The following AGBL4 variants were observed in gnomAD, a reference collection of about 807,000 sequenced individuals.
AGBL4 encodes AGBL carboxypeptidase 4.
In AGBL4, 58 loss-of-function variants were observed where a neutral mutation model predicts 66.4. The observed-to-expected ratio is 0.87, with a 90% CI of 0.71 to 1.09. AGBL4 has a LOEUF of 1.09. Ranked by LOEUF, AGBL4 falls within the 50% of genes least tolerant of loss-of-function variation. The pLI is 0.00. For missense variants in AGBL4, 579 were observed against 631.0 expected, an observed-to-expected ratio of 0.92 and a Z score of 0.88; for synonymous variants, 234 against 222.9, an observed-to-expected ratio of 1.05 and a Z score of -0.44.
intron 3 of AGBL4, among the ~76,000 whole-genome samples, chr1:49,688,858 C>A (rs1427500400): frequency 6.6e-6 from 1 of 152,120 alleles, no homozygotes; most frequent in Admixed American, 6.6e-5. Flanking sequence ...TGCCTGTTTA[C>A]CATTTGTATG....
intron 3 of AGBL4, among the ~76,000 whole-genome samples, chr1:49,407,067 A>G (rs1645218396): frequency 7.3e-6 from 1 of 137,856 alleles, no homozygotes. Context: ...TCTGCCTCCA[A>G]AAAAAAAAAA....
intron 4 of AGBL4, among the ~76,000 whole-genome samples, chr1:49,194,071 G>C (rs774639326): frequency 1.3e-5 from 2 of 152,028 alleles, no homozygotes; most frequent in African/African-American, 2.4e-5. Flanking sequence ...TTTCTTTGTT[G>C]ATTTTCTGTC....
At chr1:48,716,900 T>G (rs964890288) in intron 6 of AGBL4, among the ~76,000 whole-genome samples, 1 of 152,194 alleles carries the variant, frequency 6.6e-6, no homozygotes, top group African/African-American at 2.4e-5. Context: ...GGAAGACAGG[T>G]AAGAAGGGGC....
chr1:48,642,993 C>T (rs1332586229), intron 8 of AGBL4, among the ~76,000 whole-genome samples: 2 of 152,128 alleles, frequency 1.3e-5, no homozygotes, highest in African/African-American at 4.8e-5. Flanking sequence ...TGTGCCTTAG[C>T]TCTAATCTGA....
chr1:49,389,031 T>C (rs1644794781), intron 3 of AGBL4, among the ~76,000 whole-genome samples: 1 of 151,944 alleles, frequency 6.6e-6, no homozygotes, highest in Non-Finnish European at 1.5e-5. Context: ...ACAGTTTGAG[T>C]GGAGACAATA....
intron 2 of AGBL4, among the ~76,000 whole-genome samples, chr1:49,807,122 C>A (rs1354117667): frequency 6.6e-6 from 1 of 152,108 alleles, no homozygotes; most frequent in East Asian, 1.9e-4. Flanking sequence ...AGAGAGTCTC[C>A]ACTAGGTCAA....
chr1:49,514,734 A>G (rs552321185), intron 3 of AGBL4, among the ~76,000 whole-genome samples: 3 of 152,234 alleles, frequency 2.0e-5, no homozygotes, highest in South Asian at 2.1e-4. Context: ...ATAATGCTGC[A>G]TATCTACAAC....
chr1:49,996,266 A>G (rs1340350619), intron 1 of AGBL4: 2 of 152,212 alleles, frequency 1.3e-5, no homozygotes, highest in Non-Finnish European at 2.9e-5. Flanking sequence ...TAAGCTACTC[A>G]AGGAGGCACC....
intron 6 of AGBL4, among the ~76,000 whole-genome samples, chr1:48,710,469 G>A (rs1032499343): frequency 1.3e-5 from 2 of 152,176 alleles, no homozygotes; most frequent in African/African-American, 2.4e-5. Flanking sequence ...AGAGGAAGGC[G>A]GGCATGAGAG....
intron 4 of AGBL4, among the ~76,000 whole-genome samples, chr1:49,219,089 G>T (rs1649299916): frequency 6.6e-6 from 1 of 152,036 alleles, no homozygotes. Flanking sequence ...CCCATGGCTG[G>T]CTCCTAAAAC....
chr1:50,020,677 TC>T (rs1422248945), intron 1 of AGBL4, among the ~76,000 whole-genome samples: 2 of 152,196 alleles, frequency 1.3e-5, no homozygotes, highest in Non-Finnish European at 2.9e-5. Context: ...AAACTAATCT[TC>T]TACTAATTCT....
At chr1:48,677,983 T>G (rs1172263584) in intron 6 of AGBL4, among the ~76,000 whole-genome samples, 3 of 152,162 alleles carry the variant, frequency 2.0e-5, no homozygotes, top group Non-Finnish European at 4.4e-5. Context: ...ACGGGGGCCC[T>G]CCCAGGACAC....
intron 4 of AGBL4, among the ~76,000 whole-genome samples, chr1:49,056,276 G>T (rs1264575194): frequency 6.6e-6 from 1 of 152,052 alleles, no homozygotes; most frequent in African/African-American, 2.4e-5. Context: ...GCAATTCCAT[G>T]CTTTCAGGGA....
chr1:49,411,142 C>G (rs764977274), intron 3 of AGBL4, among the ~76,000 whole-genome samples: 3 of 152,198 alleles, frequency 2.0e-5, no homozygotes, highest in African/African-American at 2.4e-5. Flanking sequence ...AACAGTGCAG[C>G]CTTCAGTCTG....
chr1:49,720,912 C>T (rs1229777417), intron 2 of AGBL4, among the ~76,000 whole-genome samples: 1 of 151,970 alleles, frequency 6.6e-6, no homozygotes, highest in East Asian at 1.9e-4. Context: ...ATATGTCAAA[C>T]GAAAGAAGGC....
At chr1:48,779,617 T>G (rs1645240139) in intron 6 of AGBL4, among the ~76,000 whole-genome samples, 1 of 152,154 alleles carries the variant, frequency 6.6e-6, no homozygotes, top group South Asian at 2.1e-4. Flanking sequence ...GAGTAAATGT[T>G]TATAAAACAA....
At chr1:49,091,183 T>G (rs1227519530) in intron 4 of AGBL4, among the ~76,000 whole-genome samples, 1 of 151,992 alleles carries the variant, frequency 6.6e-6, no homozygotes, top group East Asian at 1.9e-4. Flanking sequence ...CTGGAAAAGA[T>G]TTCATGACAA....
At chr1:48,523,806 C>T in the AGBL4 span, among the ~76,000 whole-genome samples, 1 of 152,102 alleles carries the variant, frequency 6.6e-6, no homozygotes, top group Non-Finnish European at 1.5e-5. Flanking sequence ...GTGTGAACAT[C>T]ATAGAATGTA....
At chr1:49,385,344 T>G (rs2148582682) in intron 3 of AGBL4, among the ~76,000 whole-genome samples, 1 of 152,168 alleles carries the variant, frequency 6.6e-6, no homozygotes, top group South Asian at 2.1e-4. Context: ...GCAGATTTAC[T>G]GAATAAAAGA....
Sources: gnomAD v4.1 joint callset for allele counts (sites outside exome capture counted in the v4.1 genomes callset) on GRCh38, gnomAD v4.1.1 for gene constraint, MANE v1.5 for transcripts, NCBI Gene and HGNC (gene_info 2026-07-23, HGNC 2026-07-21) for gene names.